MCTP1: variants seen among roughly 807,000 people sequenced by gnomAD.
MCTP1 encodes the protein multiple C2 and transmembrane domain-containing protein 1.
Under a neutral mutation model 120.6 loss-of-function variants are expected in MCTP1, and 69 were observed. The ratio of observed to expected loss-of-function variants is 0.57; its 90% CI spans 0.47 to 0.70. MCTP1 has a LOEUF of 0.70. MCTP1 is among the 30% of genes least tolerant of loss of function. The pLI is 0.00. For synonymous variants in MCTP1, 529 were observed against 493.1 expected, an observed-to-expected ratio of 1.07 and a Z score of -0.96; for missense variants, 1,203 against 1,248.8, an observed-to-expected ratio of 0.96 and a Z score of 0.55.
chr5:94,917,200 G>C (rs960132831), intron 8 of MCTP1, among the ~76,000 whole-genome samples: 4 of 152,096 alleles, frequency 2.6e-5, no homozygotes, highest in African/African-American at 9.7e-5. Flanking sequence ...AGCACCTAAA[G>C]GGCAAGGAGT....
rs554806375 is a variant in MCTP1, at chr5:95,049,086, G to A, written c.721-31602C>T. Among the ~76,000 whole-genome samples, 8 of 152,078 alleles carry A rather than the reference G, an allele frequency of 5.3e-5. No homozygotes were observed. In the East Asian group the frequency reaches 5.8e-4, roughly 11 times the overall value. On this transcript the variant is annotated intron_variant, in intron 1 of 22. Coordinates refer to ENST00000515393, the MANE Select transcript of MCTP1 (RefSeq NM_024717.7). ...TCATGCTTCTACTTTATTTAATGGC[G>A]TCATCTTTAATTAAAGAAGAATTAT...
intron 1 of MCTP1, among the ~76,000 whole-genome samples, chr5:95,090,862 T>C (rs1755793005): frequency 6.6e-6 from 1 of 152,122 alleles, no homozygotes; most frequent in African/African-American, 2.4e-5. Context: ...CACCTGTATA[T>C]ATTAACAAAG....
intron 2 of MCTP1, among the ~76,000 whole-genome samples, chr5:94,998,507 C>A (rs1581760803): frequency 6.6e-6 from 1 of 151,546 alleles, no homozygotes; most frequent in South Asian, 2.1e-4. Context: ...TGACAATATC[C>A]CTTTTTATAT....
intron 1 of MCTP1, among the ~76,000 whole-genome samples, chr5:95,077,973 T>C (rs957844161): frequency 9.3e-6 from 1 of 106,966 alleles, no homozygotes; most frequent in Admixed American, 1.1e-4. Context: ...CAGTGTCAGG[T>C]ACATGAGTCA....
intron 1 of MCTP1, among the ~76,000 whole-genome samples, chr5:95,187,205 G>A (rs927005905): frequency 1.3e-5 from 2 of 152,316 alleles, no homozygotes; most frequent in East Asian, 1.9e-4. Flanking sequence ...CAACGTAAGT[G>A]TCCATCAGCA....
intron 18 of MCTP1, chr5:94,784,933 T>A (rs573318037): frequency 6.6e-6 from 1 of 152,242 alleles, no homozygotes; most frequent in South Asian, 2.1e-4. Context: ...TGTAATTTAG[T>A]CTGATTCTTA....
intron 1 of MCTP1, among the ~76,000 whole-genome samples, chr5:95,254,193 G>A (rs1036320543): frequency 1.3e-5 from 2 of 152,036 alleles, no homozygotes; most frequent in Non-Finnish European, 2.9e-5. Context: ...TATCTATAAA[G>A]TCAGCCAGAA....
chr5:95,205,909 A>AACTAGGAT (rs1562236133), intron 1 of MCTP1, among the ~76,000 whole-genome samples: 1 of 152,026 alleles, frequency 6.6e-6, no homozygotes, highest in Non-Finnish European at 1.5e-5. Context: ...GATGTGGAAA[A>AACTAGGAT]ACTAGGATAT....
intron 6 of MCTP1, among the ~76,000 whole-genome samples, chr5:94,925,460 G>A (rs1812817646): frequency 6.6e-6 from 1 of 151,996 alleles, no homozygotes; most frequent in Non-Finnish European, 1.5e-5. Flanking sequence ...CCAGGCTGGA[G>A]TGCAGTGGCG....
intron 1 of MCTP1, among the ~76,000 whole-genome samples, chr5:95,282,585 C>A (rs1760415031): frequency 6.6e-6 from 1 of 152,144 alleles, no homozygotes; most frequent in South Asian, 2.1e-4. Flanking sequence ...AACAGGGGCT[C>A]TATCCAGTTC....
intron 19 of MCTP1, among the ~76,000 whole-genome samples, chr5:94,755,308 G>C (rs1769511209): frequency 6.6e-6 from 1 of 152,046 alleles, no homozygotes; most frequent in African/African-American, 2.4e-5. Flanking sequence ...TCTAGCTCTG[G>C]ATTCCTCCTT....
In MCTP1 at chr5:95,023,938, A is replaced by G. The variant is rs369184469; in HGVS notation, c.721-6454T>C. 14 of 195,968 alleles carry G rather than the reference A, an allele frequency of 7.1e-5. No individual in the cohort carries two copies. The East Asian group carries it at 1.1e-3, about 15-fold the overall frequency. 12.1% of individuals were successfully genotyped at this position (195,968 alleles called of 1,614,324 possible). On this transcript the variant is annotated intron_variant, in intron 1 of 22. Coordinates refer to ENST00000515393, the MANE Select transcript of MCTP1 (RefSeq NM_024717.7). ...AAATGGCACTTTCACAGAATTTAGC[A>G]GTTATAAGAAGTTAATGATCTGTGC...
intron 2 of MCTP1, among the ~76,000 whole-genome samples, chr5:94,980,144 A>G (rs1009173564): frequency 6.6e-6 from 1 of 152,196 alleles, no homozygotes; most frequent in Non-Finnish European, 1.5e-5. Flanking sequence ...ATTTAGTGAC[A>G]TTTAAAACAG....
At chr5:94,992,517 C>T (rs1831784224) in intron 2 of MCTP1, among the ~76,000 whole-genome samples, 1 of 152,192 alleles carries the variant, frequency 6.6e-6, no homozygotes, top group South Asian at 2.1e-4. Context: ...CATATCCTGT[C>T]TGCACTCTCA....
At chr5:95,072,740 A>ATTTTTTTTTTTTTTT (rs11421165) in intron 1 of MCTP1, among the ~76,000 whole-genome samples, 3 of 95,282 alleles carry the variant, frequency 3.1e-5, no homozygotes, top group Non-Finnish European at 5.7e-5. Flanking sequence ...CTTAGCAACT[A>ATTTTTTTTTTTTTTT]TTTTTTTTTT....
chr5:95,085,713 T>C (rs1039532515), intron 1 of MCTP1, among the ~76,000 whole-genome samples: 1 of 152,026 alleles, frequency 6.6e-6, no homozygotes, highest in Non-Finnish European at 1.5e-5. Flanking sequence ...CAACCAACAG[T>C]GTATAAGAAT....
At chr5:95,060,848 T>G (rs545041864) in intron 1 of MCTP1, among the ~76,000 whole-genome samples, 9 of 151,380 alleles carry the variant, frequency 5.9e-5, no homozygotes, top group Non-Finnish European at 1.2e-4. Context: ...GGTGCACACC[T>G]GTAATCCCAG....
intron 3 of MCTP1, among the ~76,000 whole-genome samples, chr5:94,951,310 A>G (rs2153528889): frequency 6.6e-6 from 1 of 152,362 alleles, no homozygotes; most frequent in East Asian, 1.9e-4. Context: ...ATTTCTACAT[A>G]GATGAATACT....
At chr5:94,854,335 T>C (rs1794330833) in intron 17 of MCTP1, among the ~76,000 whole-genome samples, 1 of 151,874 alleles carries the variant, frequency 6.6e-6, no homozygotes, top group South Asian at 2.1e-4. Flanking sequence ...ATGAATGTTC[T>C]TGGAAATATT....
Sources: gnomAD v4.1 joint callset for allele counts (sites outside exome capture counted in the v4.1 genomes callset) on GRCh38, gnomAD v4.1.1 for gene constraint, MANE v1.5 for transcripts, NCBI Gene and HGNC (gene_info 2026-07-23, HGNC 2026-07-21) for gene names.